Variants in BRF1 observed in about 807,000 individuals in gnomAD.
The protein encoded by BRF1 is transcription factor IIIB 90 kDa subunit.
BRF1 carries 59 observed loss-of-function variants against 81.7 expected under a neutral mutation model. The ratio of observed to expected loss-of-function variants is 0.72; its 90% confidence interval spans 0.59 to 0.90. The LOEUF (loss-of-function observed/expected upper bound fraction) is 0.90, where lower values mean the gene tolerates loss of function less well. Among genes scored for constraint, BRF1 ranks in the 40% least tolerant of loss-of-function variants. BRF1 has a pLI of 0.00. For synonymous variants in BRF1, 491 were observed against 395.6 expected (o/e 1.24, Z -2.86); for missense variants, 1,050 against 936.3 (o/e 1.12, Z -1.58).
At chr14:105,247,281 C>G (rs1431026706) in intron 5 of BRF1, 1 of 985,342 alleles carries the variant, frequency 1.0e-6, no homozygotes, top group Non-Finnish European at 1.2e-6. Flanking sequence ...CGGAGTTACG[C>G]ACCCACCTGC....
At chr14:105,218,567 C>T (rs1270411245) in intron 14 of BRF1, among the ~76,000 whole-genome samples, 1 of 152,240 alleles carries the variant, frequency 6.6e-6, no homozygotes, top group Non-Finnish European at 1.5e-5. Context: ...CTGCCTGCAC[C>T]ACGAGGCTGA....
intron 1 of BRF1, among the ~76,000 whole-genome samples, chr14:105,291,788 A>T (rs1206033768): frequency 6.6e-6 from 1 of 151,910 alleles, no homozygotes; most frequent in Non-Finnish European, 1.5e-5. Context: ...ACCTGAGGTC[A>T]GGAGTTTGAG....
rs1333350668 is a variant in BRF1 at position 105,219,229 on chromosome 14, T to G, written c.1381A>C (p.Ile461Leu). The change falls in exon 13 of 18, where the codon ATC becomes CTC. Residue 461 changes from isoleucine to leucine, a missense_variant. This residue lies in a region of BRF1 where 1,043 missense variants were observed against 915.4 expected (regional missense o/e 1.14). Transcript: ENST00000547530. ...GIDDLEIDRY[I>L]LNESEARVKA... The stretch of plus-strand genomic sequence containing the variant: ...ACGCGGGCTTCCGACTCATTCAGGA[T>G]GTACTGGGCGAGCACAGGGAAGTGG... The G allele has an allele frequency of 1.2e-6, 2 of 1,611,606 alleles. No homozygotes were observed. Among genetic ancestry groups the G allele is most frequent in the Non-Finnish European group, 1.7e-6 (2 of 1,178,362 alleles).
rs960249941 is a variant in BRF1 at position 105,291,360 on chromosome 14, C to T, written c.185-4984G>A. Reference sequence around the variant, plus strand: ...TCTTCCAACATGAGAAAGCAATAACCTTTAATATTCACGTGCTCATTCAAC... The same window carrying T: ...TCTTCCAACATGAGAAAGCAATAACTTTTAATATTCACGTGCTCATTCAAC... On this transcript the variant is annotated intron_variant, in intron 1 of 17. Coordinates refer to ENST00000547530, the MANE Select transcript of BRF1 (RefSeq NM_001519.4). Among the ~76,000 whole-genome samples the T allele has an allele frequency of 3.3e-5, 5 of 152,224 alleles. No homozygotes were observed. The East Asian group carries it at 9.6e-4, about 29-fold the overall frequency.
At chr14:105,312,822 C>T (rs992403257) in intron 1 of BRF1, among the ~76,000 whole-genome samples, 8 of 152,326 alleles carry the variant, frequency 5.3e-5, no homozygotes, top group East Asian at 3.9e-4. Flanking sequence ...TGGTCGCAGG[C>T]GTGACACATG....
intron 5 of BRF1, chr14:105,250,138 C>T (rs376877092): frequency 7.4e-6 from 12 of 1,612,984 alleles, no homozygotes; most frequent in Non-Finnish European, 4.2e-6. Flanking sequence ...TGGAGGAGAC[C>T]CACAGCATCT....
In BRF1 at chr14:105,209,518, A is replaced by T. The variant is rs1889842016; in HGVS notation, c.*1033T>A. ...GCCTCAAGGCCACCCCCTCCTAAGG[A>T]CACAGGGTGAAGCCCCCTCGGCCAC... On this transcript the variant is annotated 3_prime_UTR_variant, in exon 18 of 18. Transcript: ENST00000547530. The T allele has an allele frequency of 1.4e-6, 1 of 702,372 alleles. No homozygotes were observed. The highest frequency in any genetic ancestry group is 2.7e-5 in the East Asian group (1 of 37,242). 43.5% of individuals were successfully genotyped at this position (702,372 alleles called of 1,614,324 possible). A position where few individuals can be genotyped will look rare whatever the true frequency, so the allele number is the denominator to read the frequency against.
At chr14:105,250,918 C>T (rs1409789835) in intron 5 of BRF1, 4 of 515,624 alleles carry the variant, frequency 7.8e-6, no homozygotes, top group African/African-American at 7.7e-5. Flanking sequence ...AGACAGGCCC[C>T]AGATCCCCTC....
At chr14:105,280,079 C>G (rs1449796808) in intron 2 of BRF1, among the ~76,000 whole-genome samples, 3 of 152,206 alleles carry the variant, frequency 2.0e-5, no homozygotes, top group Non-Finnish European at 2.9e-5. Flanking sequence ...AGCAATCACT[C>G]AGAAAAACCT....
In BRF1 at chr14:105,229,585, G is replaced by C. The variant is rs993935848; in HGVS notation, c.695-672C>G. Reference sequence around the variant, plus strand: ...CCAAGGGCAAAGTGAGAGTCTGAGTGACAGCTGCGACCTGGGGGGTCACAG... The same window carrying C: ...CCAAGGGCAAAGTGAGAGTCTGAGTCACAGCTGCGACCTGGGGGGTCACAG... On this transcript the variant is annotated intron_variant, in intron 6 of 17. Coordinates refer to ENST00000547530, the MANE Select transcript of BRF1 (RefSeq NM_001519.4). 3.3e-5 allele frequency among the ~76,000 whole-genome samples: 5 copies of C among 152,346 alleles called. No homozygotes were observed. In the South Asian group the frequency reaches 6.2e-4, roughly 19 times the overall value.
intron 6 of BRF1, among the ~76,000 whole-genome samples, chr14:105,229,481 T>G (rs587689065): frequency 6.6e-6 from 1 of 151,986 alleles, no homozygotes; most frequent in East Asian, 1.9e-4. Context: ...GGATGAGGAG[T>G]GAGGGCCCTG....
Position 105,217,756 on chromosome 14 carries a change from G to T in BRF1, c.1560C>A (p.Thr520=), listed in dbSNP as rs141859464. The T allele has an allele frequency of 6.2e-7, 1 of 1,613,160 alleles. No homozygotes were observed. The highest frequency in any genetic ancestry group is 2.2e-5 in the East Asian group (1 of 44,886). The change falls in exon 15 of 18, where the codon ACC becomes ACA. Residue 520 remains threonine, a synonymous_variant. Transcript: ENST00000547530. ...CKRREPIQAS[T]AREAIEKMLE... ...GCATCTTCTCGATGGCCTCCCTGGC[G>T]GTACTGGCCTGAATTGGCTCCCGTC... is the stretch of plus-strand genomic sequence containing the variant.
chr14:105,280,698 G>A (rs759098400), intron 2 of BRF1, among the ~76,000 whole-genome samples: 2 of 151,552 alleles, frequency 1.3e-5, no homozygotes, highest in Non-Finnish European at 2.9e-5. Flanking sequence ...GGTGAAGGCT[G>A]CGTGATCCTG....
chr14:105,257,138 GAACA>G (rs939061554), intron 3 of BRF1, among the ~76,000 whole-genome samples: 3 of 152,172 alleles, frequency 2.0e-5, no homozygotes, highest in Non-Finnish European at 4.4e-5. Context: ...TCGCTCAGAT[GAACA>G]AACAGGACCA....
rs753659628 is a variant in BRF1, at chr14:105,228,775, T to G, written c.788+45A>C. 6.8e-6 allele frequency: 11 copies of G among 1,606,288 alleles called. No individual in the cohort carries two copies. In the East Asian group the frequency reaches 2.2e-4, roughly 33 times the overall value. On this transcript the variant is annotated intron_variant, in intron 7 of 17. Transcript: ENST00000547530. ...GGCAAGCAGGCCTGAGCTGGACTGA[T>G]GAAGCCTCTGTGTGGTCCCCATGCC...
At chr14:105,219,365 G>C in intron 12 of BRF1, 133 bp from the exon 13 acceptor site, 1 of 1,497,584 alleles carries the variant, frequency 6.7e-7, no homozygotes. Flanking sequence ...ATTTAGTGCG[G>C]AGCCTGGGCT....
At chr14:105,226,568 C>T (rs1298656930) in intron 8 of BRF1, 66 bp downstream of exon 8, 16 of 1,603,888 alleles carry the variant, frequency 1.0e-5, no homozygotes, top group Admixed American at 1.7e-5. Flanking sequence ...CAACCCCAGT[C>T]GGGGTGTGTG....
intron 14 of BRF1, 90 bp from the exon 15 acceptor site, chr14:105,217,890 G>T: frequency 1.3e-6 from 2 of 1,549,466 alleles, no homozygotes; most frequent in Non-Finnish European, 1.7e-6. Context: ...GAGTGCAGGC[G>T]GGTGAGGCCT....
At position 105,210,276 on chromosome 14, in the gene BRF1, G is replaced by A. The variant is rs765401407; in HGVS notation, c.*275C>T. The A allele has an allele frequency of 8.7e-5, 43 of 493,598 alleles. No individual in the cohort carries two copies. The highest frequency in any genetic ancestry group is 3.7e-4 in the Admixed American group (11 of 29,590). The allele number at this position is 493,598 out of a possible 1,614,324, so 30.6% of individuals were successfully genotyped here. ...ACACTGCCAGCCTTGGAGGGTCCTT[G>A]GATGAGTCGACGGCAGGCAGCGGGA... On this transcript the variant is annotated 3_prime_UTR_variant, in exon 18 of 18. Transcript: ENST00000547530. The surrounding 1 kb of genome is among the most constrained non-coding windows in gnomAD (Gnocchi z 4.7).
Sources: gnomAD v4.1 joint callset for allele counts (sites outside exome capture counted in the v4.1 genomes callset) on GRCh38, gnomAD v4.1.1 for gene constraint, gnomAD v4.1.1 regional missense constraint, Gnocchi (gnomAD v3.1) non-coding constraint, MANE v1.5 for transcripts, NCBI Gene and HGNC (gene_info 2026-07-23, HGNC 2026-07-21) for gene names.